TNRC6C: variants seen among roughly 807,000 people sequenced by gnomAD.
TNRC6C encodes the protein trinucleotide repeat-containing gene 6C protein.
A neutral mutation model predicts 153.7 loss-of-function variants in TNRC6C; 20 were observed. That is an observed-to-expected ratio of 0.13 (90% confidence interval 0.09 to 0.19). The LOEUF (loss-of-function observed/expected upper bound fraction) is 0.19, where lower values mean the gene tolerates loss of function less well. Among genes scored for constraint, TNRC6C ranks in the 10% least tolerant of loss-of-function variants. The pLI is 1.00. For synonymous variants in TNRC6C, 811 were observed against 841.4 expected (o/e 0.96, Z 0.63); for missense variants, 1,987 against 2,172.0 (o/e 0.91, Z 1.69).
intron 1 of TNRC6C, among the ~76,000 whole-genome samples, chr17:77,969,976 C>T (rs2070927940): frequency 6.6e-6 from 1 of 152,176 alleles, no homozygotes; most frequent in Non-Finnish European, 1.5e-5. Context: ...CCTTTGATAA[C>T]TCATGTAAGA....
intron 11 of TNRC6C, among the ~76,000 whole-genome samples, chr17:78,084,325 A>G (rs77977687): frequency 6.8e-6 from 1 of 146,700 alleles, no homozygotes; most frequent in South Asian, 2.1e-4. Context: ...ATGAAGGAGA[A>G]AAAAAAAAAA....
At chr17:78,084,102 G>C (rs1245846670) in intron 11 of TNRC6C, among the ~76,000 whole-genome samples, 1 of 152,018 alleles carries the variant, frequency 6.6e-6, no homozygotes, top group Non-Finnish European at 1.5e-5. Context: ...TGGCCAACAT[G>C]GTGAAACCCC....
At chr17:78,013,890 G>C (rs1010768022) in intron 1 of TNRC6C, among the ~76,000 whole-genome samples, 4 of 152,196 alleles carry the variant, frequency 2.6e-5, no homozygotes, top group Admixed American at 1.3e-4. Context: ...GATGGGGATT[G>C]GTTCACTATG....
chr17:78,055,516 A>C (rs1224270678), intron 3 of TNRC6C, among the ~76,000 whole-genome samples: 1 of 152,242 alleles, frequency 6.6e-6, no homozygotes, highest in South Asian at 2.1e-4. Flanking sequence ...GTATGGCGTC[A>C]CTAGGTGATG....
At chr17:77,995,801 T>A (rs2071319787) in intron 1 of TNRC6C, among the ~76,000 whole-genome samples, 1 of 152,332 alleles carries the variant, frequency 6.6e-6, no homozygotes, top group South Asian at 2.1e-4. Flanking sequence ...ATTTTCTGAC[T>A]TAATTTGAGG....
At chr17:78,023,301 A>G (rs1316704102) in intron 1 of TNRC6C, among the ~76,000 whole-genome samples, 1 of 152,208 alleles carries the variant, frequency 6.6e-6, no homozygotes, top group Non-Finnish European at 1.5e-5. Context: ...TTTGACTTTT[A>G]TAGTAGCTAG....
chr17:77,972,501 G>C (rs1454717167), intron 1 of TNRC6C, among the ~76,000 whole-genome samples: 2 of 148,704 alleles, frequency 1.3e-5, no homozygotes, highest in African/African-American at 2.5e-5. Flanking sequence ...GACAGAGCAA[G>C]ACTCTGTCTT....
intron 1 of TNRC6C, among the ~76,000 whole-genome samples, chr17:77,986,097 T>A (rs569444807): frequency 6.6e-6 from 1 of 152,054 alleles, no homozygotes; most frequent in Non-Finnish European, 1.5e-5. Flanking sequence ...TACCTAGACA[T>A]GAGCTTAACA....
intron 1 of TNRC6C, among the ~76,000 whole-genome samples, chr17:77,960,203 C>T (rs747200098): frequency 1.2e-4 from 19 of 152,140 alleles, no homozygotes; most frequent in Non-Finnish European, 2.6e-4. Context: ...TTGAGTGGTC[C>T]GCTCGGTTAT....
Position 78,031,854 on chromosome 17 carries a change from A to G in TNRC6C, c.-219+12A>G, listed in dbSNP as rs2072081697. On this transcript the variant is annotated intron_variant, in intron 2 of 19. Coordinates refer to ENST00000301624, the Ensembl canonical transcript of TNRC6C. ...TAAGCTCCAACCAGGTAAAAACCAC[A>G]TAGGATGAGACATTGTTTTGATCTG... 2 of 1,231,990 alleles carry G rather than the reference A, an allele frequency of 1.6e-6. No homozygotes were observed. Among genetic ancestry groups the G allele is most frequent in the Admixed American group, 8.4e-5 (2 of 23,706 alleles). 76.3% of individuals were successfully genotyped at this position (1,231,990 alleles called of 1,614,324 possible).
intron 1 of TNRC6C, among the ~76,000 whole-genome samples, chr17:78,024,903 C>T (rs1475280745): frequency 2.6e-5 from 4 of 151,890 alleles, no homozygotes; most frequent in Admixed American, 6.6e-5. Context: ...AAGCAACTCT[C>T]CTGCCTCAGC....
chr17:78,018,342 C>T (rs1471555864), intron 1 of TNRC6C, among the ~76,000 whole-genome samples: 1 of 152,206 alleles, frequency 6.6e-6, no homozygotes, highest in African/African-American at 2.4e-5. Flanking sequence ...ATTGGCCAGG[C>T]TGGTCTCGAA....
chr17:78,080,970 T>C, intron 10 of TNRC6C, among the ~76,000 whole-genome samples: 1 of 152,202 alleles, frequency 6.6e-6, no homozygotes, highest in East Asian at 1.9e-4. Context: ...TCTTAGTCCA[T>C]TTGGGCTGCT....
At chr17:78,086,724 G>A (rs1480410448) in intron 12 of TNRC6C, 129 bp from the exon 15 acceptor site, 4 of 1,567,710 alleles carry the variant, frequency 2.6e-6, no homozygotes, top group Non-Finnish European at 3.5e-6. Context: ...GTTCAGCTAG[G>A]TTTGGGAGGA....
At chr17:77,975,950 G>C (rs2070991940) in intron 1 of TNRC6C, among the ~76,000 whole-genome samples, 1 of 152,140 alleles carries the variant, frequency 6.6e-6, no homozygotes, top group Non-Finnish European at 1.5e-5. Flanking sequence ...ATGGTCTTTA[G>C]AGTGAGTTGT....
chr17:78,071,411 G>GAAT (rs2072993898), intron 6 of TNRC6C, among the ~76,000 whole-genome samples: 1 of 151,986 alleles, frequency 6.6e-6, no homozygotes, highest in Admixed American at 6.6e-5. Flanking sequence ...CCTTTTCCTA[G>GAAT]AATAGAAAAT....
intron 1 of TNRC6C, among the ~76,000 whole-genome samples, chr17:77,975,195 TG>T (rs1180578584): frequency 1.3e-5 from 2 of 152,182 alleles, no homozygotes; most frequent in Non-Finnish European, 2.9e-5. Flanking sequence ...AAAATAATAA[TG>T]TACATCAAAA....
At chr17:77,958,372 C>A (rs1483807257), upstream of TNRC6C, among the ~76,000 whole-genome samples, 1 of 152,032 alleles carries the variant, frequency 6.6e-6, no homozygotes, top group Non-Finnish European at 1.5e-5. Context: ...AGTGCAAGCT[C>A]CCAGGACTGG....
chr17:78,026,797 A>T (rs1482641857), intron 1 of TNRC6C, among the ~76,000 whole-genome samples: 1 of 152,308 alleles, frequency 6.6e-6, no homozygotes, highest in East Asian at 1.9e-4. Context: ...AGTCTCTTAC[A>T]GTACTCCAGC....
Sources: allele counts gnomAD v4.1 joint callset (sites outside exome capture counted in the v4.1 genomes callset), GRCh38; gene constraint gnomAD v4.1.1; transcripts MANE v1.5; gene names NCBI Gene and HGNC (gene_info 2026-07-23, HGNC 2026-07-21).